The following CENPO variants were observed in gnomAD, a reference collection of about 807,000 sequenced individuals.
CENPO encodes the protein centromeric protein O.
A neutral mutation model predicts 36.1 loss-of-function variants in CENPO; 30 were observed. The ratio of observed to expected loss-of-function variants is 0.83; its 90% CI spans 0.62 to 1.13. The LOEUF (loss-of-function observed/expected upper bound fraction) is 1.13. CENPO is among the 50% of genes most tolerant of loss of function. The pLI, the probability that CENPO is intolerant of heterozygous loss-of-function variation, is 0.00. For missense variants in CENPO, 349 were observed against 357.8 expected, an observed-to-expected ratio of 0.98 and a Z score of 0.20; for synonymous variants, 171 against 142.3, an observed-to-expected ratio of 1.20 and a Z score of -1.44.
At position 24,817,848 on chromosome 2, in the gene CENPO, A is replaced by C; in HGVS notation, c.*35+7A>C. 2 of 1,612,416 alleles carry C rather than the reference A, an allele frequency of 1.2e-6. No homozygotes were observed. Among genetic ancestry groups the C allele is most frequent in the Non-Finnish European group, 1.7e-6 (2 of 1,178,946 alleles). Reference sequence around the variant, plus strand: ...CACTGGGAGCACATCAGAGGTAAGTAACCAGTACTGAAGACAGTACCAGGT... The same window carrying C: ...CACTGGGAGCACATCAGAGGTAAGTCACCAGTACTGAAGACAGTACCAGGT... On this transcript the variant is annotated splice_region_variant and intron_variant, in intron 7 of 7. Coordinates refer to ENST00000380834, the MANE Select transcript of CENPO (RefSeq NM_001322101.2).
At chr2:24,815,065 T>G (rs550359333) in intron 4 of CENPO, among the ~76,000 whole-genome samples, 1 of 152,058 alleles carries the variant, frequency 6.6e-6, no homozygotes, top group South Asian at 2.1e-4. Context: ...TAGCAAGACC[T>G]CATCTCTACT....
At chr2:24,802,875 A>G (rs1021384353) in intron 3 of CENPO, among the ~76,000 whole-genome samples, 4 of 151,962 alleles carry the variant, frequency 2.6e-5, no homozygotes, top group African/African-American at 7.2e-5. Context: ...CTCTTTTTCT[A>G]TTGATTGGAA....
At position 24,820,153 on chromosome 2, in the gene CENPO, G is replaced by A; in HGVS notation, c.*835G>A. The A allele has an allele frequency of 1.3e-6, 2 of 1,504,582 alleles. No homozygotes were observed. Among genetic ancestry groups the A allele is most frequent in the Non-Finnish European group, 1.8e-6 (2 of 1,120,148 alleles). The allele number at this position is 1,504,582 out of a possible 1,614,324, so 93.2% of individuals were successfully genotyped here. A position where few individuals can be genotyped will look rare whatever the true frequency, so the allele number is the denominator to read the frequency against. On this transcript the variant is annotated 3_prime_UTR_variant, in exon 8 of 8. Transcript: ENST00000380834. ...GGGAGCAAGAACGTGGCGTTACGGG[G>A]GGAGCCTAGACTGAGGGCGGGTGGG...
intron 3 of CENPO, among the ~76,000 whole-genome samples, chr2:24,812,902 G>GTTTTTTTTTT: frequency 9.5e-6 from 1 of 105,704 alleles, no homozygotes; most frequent in Non-Finnish European, 1.9e-5. Flanking sequence ...TATGCCTGTA[G>GTTTTTTTTTT]TTTTTTTTTT....
chr2:24,815,987 G>T, intron 5 of CENPO: 1 of 537,026 alleles, frequency 1.9e-6, no homozygotes, highest in South Asian at 2.1e-5. Context: ...CCCCTGAATG[G>T]TGGTCTTCAA....
intron 5 of CENPO, 34 bp from the exon 6 acceptor site, chr2:24,816,612 T>A (rs758171850): frequency 9.2e-6 from 14 of 1,520,368 alleles, no homozygotes; most frequent in African/African-American, 1.4e-5. Context: ...ACTGCAGTCA[T>A]CCTCTACTTC....
rs775801797 is a variant in CENPO, at chr2:24,819,991, C to G, written c.*673C>G. The stretch of plus-strand genomic sequence containing the variant: ...ACAGAGGGGCCATTGGGGAAGGTGG[C>G]TAGCTTATCCCGCCCCTTCAAGAAG... On this transcript the variant is annotated 3_prime_UTR_variant, in exon 8 of 8. Transcript: ENST00000380834. 2 of 1,613,398 alleles carry G rather than the reference C, an allele frequency of 1.2e-6. No individual in the cohort carries two copies. Among genetic ancestry groups the G allele is most frequent in the South Asian group, 2.2e-5 (2 of 91,036 alleles).
At position 24,821,640 on chromosome 2, in the gene CENPO, C is replaced by T; in HGVS notation, c.*2322C>T. 2 of 1,613,896 alleles carry T rather than the reference C, an allele frequency of 1.2e-6. No individual in the cohort carries two copies. Among genetic ancestry groups the T allele is most frequent in the South Asian group, 2.2e-5 (2 of 91,062 alleles). On this transcript the variant is annotated 3_prime_UTR_variant, in exon 8 of 8. Transcript: ENST00000380834. ...CAGCGCTCTCTCTCGGACTTGTCTT[C>T]CTGTGCCAGGGGACCGTGGAGAAAG...
intron 2 of CENPO, among the ~76,000 whole-genome samples, chr2:24,796,311 G>A (rs1195450014): frequency 6.6e-6 from 1 of 152,038 alleles, no homozygotes; most frequent in Non-Finnish European, 1.5e-5. Flanking sequence ...CTGAGATCGC[G>A]CCACTGCACT....
At chr2:24,794,935 C>G (rs1350305356) in intron 2 of CENPO, among the ~76,000 whole-genome samples, 6 of 152,142 alleles carry the variant, frequency 3.9e-5, no homozygotes, top group Admixed American at 3.9e-4. Context: ...TTTGGTTATC[C>G]TATTTTTCTC....
At chr2:24,803,203 C>G (rs13005036) in intron 3 of CENPO, among the ~76,000 whole-genome samples, 164 of 143,872 alleles carry the variant, frequency 1.1e-3, no homozygotes, top group South Asian at 2.5e-3. Context: ...ATTGCGTCTA[C>G]TTGATTCTTC....
In CENPO at chr2:24,817,720, ACT is replaced by A. The variant is rs1474779523; in HGVS notation, c.820_821del (p.Leu274ValfsTer41). ...SWEEQRASHETLFCTKPLHQV... is the reference protein window; with the variant it reads ...SWEEQRASHEXLFCTKPLHQV... ...GGAGGAGCAACGAGCATCTCATGAA[ACT>A]CTGTTCTGTACGAAGCCCTTGCATC... On this transcript the variant is annotated frameshift_variant, in exon 7 of 8. Transcript: ENST00000380834. LOFTEE classifies it high-confidence loss of function. 10 of 1,614,076 alleles carry A rather than the reference ACT, an allele frequency of 6.2e-6. No homozygotes were observed. Among genetic ancestry groups the A allele is most frequent in the Admixed American group, 1.7e-5 (1 of 60,002 alleles).
At position 24,815,575 on chromosome 2, in the gene CENPO, A is replaced by G; in HGVS notation, c.413A>G (p.Tyr138Cys). The G allele has an allele frequency of 1.2e-6, 2 of 1,613,870 alleles. No homozygotes were observed. The highest frequency in any genetic ancestry group is 1.7e-6 in the Non-Finnish European group (2 of 1,179,780). ...TTTGAGGGGAACCTATTGGATTCCT[A>G]TTTTGTGGACCTTGTCATACAGAAA... Reference protein sequence around the residue: ...TAFEGNLLDSYFVDLVIQKPL... With the variant: ...TAFEGNLLDSCFVDLVIQKPL... Residue 138 changes from tyrosine (Y) to cysteine (C), a missense_variant, in exon 5 of 8, where the codon TAT becomes TGT. Physicochemically the swap from Tyr to Cys is radical, Grantham distance 194 (BLOSUM62 -2). Transcript: ENST00000380834.
At chr2:24,804,405 C>G (rs1355219745) in intron 3 of CENPO, among the ~76,000 whole-genome samples, 1 of 152,290 alleles carries the variant, frequency 6.6e-6, no homozygotes, top group South Asian at 2.1e-4. Context: ...TTAATTCATG[C>G]AGTTTCTTCA....
intron 3 of CENPO, among the ~76,000 whole-genome samples, chr2:24,803,203 C>T (rs13005036): frequency 0.64 from 91,260 of 142,958 alleles, 29,266 homozygotes; most frequent in East Asian, 0.86. Context: ...ATTGCGTCTA[C>T]TTGATTCTTC....
In CENPO at chr2:24,805,776, A is replaced by G. The variant is rs552269294; in HGVS notation, c.216+5932A>G. 3.3e-5 allele frequency among the ~76,000 whole-genome samples: 5 copies of G among 152,228 alleles called. No individual in the cohort carries two copies. In the East Asian group the frequency reaches 9.7e-4, roughly 29 times the overall value. Reference sequence around the variant, plus strand: ...CAGTTAGGCTACTCGGGGGTCAGGGACCCACTTGAGGAGGCAGTCTGTCTG... The same window carrying G: ...CAGTTAGGCTACTCGGGGGTCAGGGGCCCACTTGAGGAGGCAGTCTGTCTG... On this transcript the variant is annotated intron_variant, in intron 3 of 7. Transcript: ENST00000380834.
intron 3 of CENPO, among the ~76,000 whole-genome samples, chr2:24,810,317 C>T (rs1463426809): frequency 1.3e-5 from 2 of 151,870 alleles, no homozygotes; most frequent in Non-Finnish European, 2.9e-5. Context: ...TGGTGGCTCA[C>T]GCCTGTAATC....
At chr2:24,819,303 G>A (rs1354889064) in intron 7 of CENPO, 51 bp from the exon 8 acceptor site, 1 of 152,634 alleles carries the variant, frequency 6.6e-6, no homozygotes, top group East Asian at 1.9e-4. Flanking sequence ...GTATTTAACA[G>A]AAGATTAAAA....
chr2:24,820,549 T>C lies in CENPO; in HGVS notation c.*1231T>C, dbSNP rs1667465424. 7.8e-6 allele frequency: 11 copies of C among 1,402,904 alleles called. No homozygotes were observed. The highest frequency in any genetic ancestry group is 9.4e-6 in the Non-Finnish European group (10 of 1,066,262). 86.9% of individuals were successfully genotyped at this position (1,402,904 alleles called of 1,614,324 possible). On this transcript the variant is annotated 3_prime_UTR_variant, in exon 8 of 8. Transcript: ENST00000380834. ...GATTTTGTGGATGGGTGGAAGTGTTTCTTCCTGTGCTGAGGCTAGCTATTG... is the reference window on the plus strand; with the variant it reads ...GATTTTGTGGATGGGTGGAAGTGTTCCTTCCTGTGCTGAGGCTAGCTATTG...
Sources: gnomAD v4.1 joint callset for allele counts (sites outside exome capture counted in the v4.1 genomes callset) on GRCh38, gnomAD v4.1.1 for gene constraint, MANE v1.5 for transcripts, NCBI Gene and HGNC (gene_info 2026-07-23, HGNC 2026-07-21) for gene names.